Variants in DENND4C observed in about 807,000 individuals in gnomAD.
The protein encoded by DENND4C is DENN domain-containing protein 4C.
In DENND4C, 108 loss-of-function variants were observed where a neutral mutation model predicts 203.0. That is an observed-to-expected ratio of 0.53 (90% CI 0.46 to 0.62). The LOEUF is 0.62. DENND4C is among the 20% of genes least tolerant of loss of function. The pLI is 0.00. For missense variants in DENND4C, 2,481 were observed against 2,301.2 expected (o/e 1.08, Z -1.60); for synonymous variants, 871 against 792.4 (o/e 1.10, Z -1.67).
chr9:19,359,945 C>T (rs1826125131), intron 28 of DENND4C, among the ~76,000 whole-genome samples: 2 of 152,024 alleles, frequency 1.3e-5, no homozygotes, highest in South Asian at 4.1e-4. Flanking sequence ...ATCTGAAATG[C>T]AAATATTTCT....
intron 1 of DENND4C, among the ~76,000 whole-genome samples, chr9:19,266,685 C>T (rs1257209026): frequency 1.3e-5 from 2 of 152,124 alleles, no homozygotes; most frequent in African/African-American, 4.8e-5. Context: ...CATCTACAAC[C>T]ATCTGATCTT....
chr9:19,341,166 A>G (rs1821539494), intron 21 of DENND4C, 52 bp downstream of exon 21: 2 of 1,399,654 alleles, frequency 1.4e-6, no homozygotes, highest in Non-Finnish European at 1.9e-6. Context: ...TGTATTATTA[A>G]TAATTAAAAG....
intron 26 of DENND4C, among the ~76,000 whole-genome samples, chr9:19,354,461 G>A (rs976568651): frequency 2.0e-5 from 3 of 151,046 alleles, no homozygotes; most frequent in Admixed American, 6.6e-5. Flanking sequence ...CCAGCATTTG[G>A]TATTATCACT....
intron 1 of DENND4C, among the ~76,000 whole-genome samples, chr9:19,258,971 A>G (rs962068712): frequency 6.6e-6 from 1 of 151,980 alleles, no homozygotes. Flanking sequence ...TTAAGTTTTT[A>G]TGGGTACATA....
In DENND4C at chr9:19,358,255, T is replaced by C; in HGVS notation, c.5160+95T>C. On this transcript the variant is annotated intron_variant, in intron 28 of 32. Coordinates refer to ENST00000434457, the MANE Select transcript of DENND4C (RefSeq NM_001330640.2). This position sits in a 1 kb window ranked among gnomAD's most constrained non-coding sequence, Gnocchi z 4.8. ...TCTTCTGTAGTGGACTTATTTTAAT[T>C]ACATGAAAAGTGATAGAGTTTTTCC... 9.7e-7 allele frequency: 1 copy of C among 1,027,588 alleles called. No individual in the cohort carries two copies. The highest frequency in any genetic ancestry group is 2.5e-5 in the South Asian group (1 of 39,998). 63.7% of individuals were successfully genotyped at this position (1,027,588 alleles called of 1,614,324 possible). A position where few individuals can be genotyped will look rare whatever the true frequency, so the allele number is the denominator to read the frequency against.
At chr9:19,273,921 A>G (rs1001227867) in intron 1 of DENND4C, among the ~76,000 whole-genome samples, 19 of 152,166 alleles carry the variant, frequency 1.2e-4, no homozygotes, top group Admixed American at 6.5e-4. Flanking sequence ...ACCCAAGACA[A>G]ATGAAAGCAT....
At chr9:19,338,318 T>G (rs149633744) in intron 20 of DENND4C, among the ~76,000 whole-genome samples, 307 of 152,294 alleles carry the variant, frequency 2.0e-3, no homozygotes, top group African/African-American at 6.9e-3. Context: ...ATAGTAATAG[T>G]AATACATAAA....
chr9:19,286,825 C>T lies in DENND4C; in HGVS notation c.362C>T (p.Thr121Ile), dbSNP rs1440061943. 1 of 1,232,128 alleles carries T rather than the reference C, an allele frequency of 8.1e-7. No homozygotes were observed. Among genetic ancestry groups the T allele is most frequent in the Non-Finnish European group, 1.0e-6 (1 of 987,948 alleles). The allele number at this position is 1,232,128 out of a possible 1,614,324, so 76.3% of individuals were successfully genotyped here. ...CCAGGATGTGAAGTGATCCTAGCCA[C>T]ACCCTATGGTCGCTGTGCCAATGTC... ...LIPGCEVILA[T>I]PYGRCANVNN... Residue 121 changes from threonine (T) to isoleucine (I), a missense_variant, in exon 3 of 33, where the codon ACA (threonine) becomes ATA (isoleucine). Physicochemically the swap from Thr to Ile is moderately conservative, Grantham distance 89. Coordinates refer to ENST00000434457, the MANE Select transcript of DENND4C (RefSeq NM_001330640.2).
chr9:19,359,098 G>A (rs944261112), intron 28 of DENND4C, among the ~76,000 whole-genome samples: 1 of 151,688 alleles, frequency 6.6e-6, no homozygotes, highest in Non-Finnish European at 1.5e-5. Flanking sequence ...AATTTATAGT[G>A]GAAAGGCAGG....
At chr9:19,295,128 T>G (rs1837166461) in intron 5 of DENND4C, among the ~76,000 whole-genome samples, 1 of 152,128 alleles carries the variant, frequency 6.6e-6, no homozygotes, top group Admixed American at 6.6e-5. Flanking sequence ...TCCCAGCACT[T>G]TGGGAGGCTG....
intron 18 of DENND4C, 150 bp downstream of exon 18, chr9:19,335,255 A>G (rs1208954215): frequency 5.1e-6 from 2 of 392,832 alleles, no homozygotes; most frequent in Non-Finnish European, 8.1e-6. Flanking sequence ...GACAAAAAGT[A>G]TATATATTTA....
chr9:19,245,166 T>A (rs1339531307), intron 1 of DENND4C, among the ~76,000 whole-genome samples: 1 of 152,144 alleles, frequency 6.6e-6, no homozygotes, highest in African/African-American at 2.4e-5. Context: ...TTGGTCTGAT[T>A]TTTTTAAAAA....
intron 26 of DENND4C, among the ~76,000 whole-genome samples, 184 bp from the exon 27 acceptor site, chr9:19,356,788 T>TGTGTGA (rs1266119304): frequency 1.4e-5 from 2 of 140,418 alleles, no homozygotes; most frequent in African/African-American, 5.6e-5. Flanking sequence ...TGTGTGTGTG[T>TGTGTGA]GAGAGAGAGA....
intron 1 of DENND4C, among the ~76,000 whole-genome samples, chr9:19,235,737 A>T (rs1252180819): frequency 6.7e-6 from 1 of 150,034 alleles, no homozygotes; most frequent in Non-Finnish European, 1.5e-5. Flanking sequence ...CAGCCTCCCA[A>T]ATAGCTGGGA....
In DENND4C at chr9:19,259,585, G is replaced by T. The variant is rs112582917; in HGVS notation, c.-17-16573G>T. 2.7e-3 allele frequency among the ~76,000 whole-genome samples: 396 copies of T among 148,716 alleles called. 1 individual carries two copies. The highest frequency in any genetic ancestry group is 4.8e-3 in the Non-Finnish European group (322 of 67,470). On this transcript the variant is annotated intron_variant, in intron 1 of 32. Coordinates refer to ENST00000434457, the MANE Select transcript of DENND4C (RefSeq NM_001330640.2). The stretch of plus-strand genomic sequence containing the variant: ...AGTGGCGCGATCTTGGCTCACTGCA[G>T]CCTCCGCCTCCCAGGTTCAAGCGAT...
At chr9:19,343,659 A>AT (rs1399576812) in intron 22 of DENND4C, among the ~76,000 whole-genome samples, 1 of 152,248 alleles carries the variant, frequency 6.6e-6, no homozygotes, top group Admixed American at 6.5e-5. Context: ...AATAATTGAT[A>AT]TATACATTGC....
At chr9:19,262,775 G>C (rs953120166) in intron 1 of DENND4C, among the ~76,000 whole-genome samples, 2 of 151,878 alleles carry the variant, frequency 1.3e-5, no homozygotes, top group African/African-American at 4.8e-5. Context: ...CACCATGTTG[G>C]CCAGGCTGGT....
chr9:19,301,982 T>C (rs1415786872), intron 9 of DENND4C, among the ~76,000 whole-genome samples: 2 of 152,136 alleles, frequency 1.3e-5, no homozygotes, highest in Non-Finnish European at 2.9e-5. Flanking sequence ...AAACAGTGTT[T>C]ATTGAAGCCC....
chr9:19,271,428 T>C lies in DENND4C; in HGVS notation c.-17-4730T>C, dbSNP rs540660736. ...GTTGGCCAGGCTGTTCTTGAACTCCTGGCCTCAAGTGATCCGCCTACCTCT... is the reference window on the plus strand; with the variant it reads ...GTTGGCCAGGCTGTTCTTGAACTCCCGGCCTCAAGTGATCCGCCTACCTCT... On this transcript the variant is annotated intron_variant, in intron 1 of 32. Coordinates refer to ENST00000434457, the MANE Select transcript of DENND4C (RefSeq NM_001330640.2). Among the ~76,000 whole-genome samples the C allele has an allele frequency of 4.6e-5, 7 of 152,292 alleles. No homozygotes were observed. In the East Asian group the frequency reaches 1.4e-3, roughly 29 times the overall value.
Sources: allele counts gnomAD v4.1 joint callset (sites outside exome capture counted in the v4.1 genomes callset), GRCh38; gene constraint gnomAD v4.1.1; non-coding constraint Gnocchi (gnomAD v3.1); transcripts MANE v1.5; gene names NCBI Gene and HGNC (gene_info 2026-07-23, HGNC 2026-07-21).